The following ABCA13 variants were observed in gnomAD, a reference collection of about 807,000 sequenced individuals.
ABCA13 encodes ATP binding cassette subfamily A member 13.
A neutral mutation model predicts 478.7 loss-of-function variants in ABCA13; 476 were observed. The observed-to-expected ratio is 0.99, with a 90% confidence interval of 0.92 to 1.07. The LOEUF (loss-of-function observed/expected upper bound fraction) is 1.07. ABCA13 is among the 50% of genes least tolerant of loss of function. The pLI is 0.00. For synonymous variants in ABCA13, 2,252 were observed against 2,158.9 expected, an observed-to-expected ratio of 1.04 and a Z score of -1.20; for missense variants, 6,060 against 5,910.6, an observed-to-expected ratio of 1.03 and a Z score of -0.83.
At chr7:48,194,771 T>C (rs1158855895) in intron 2 of ABCA13, among the ~76,000 whole-genome samples, 1 of 126,580 alleles carries the variant, frequency 7.9e-6, no homozygotes, top group Admixed American at 8.6e-5. Flanking sequence ...GACTCTATTG[T>C]GTGTTGCAGA....
rs111357858 is a variant in ABCA13, at chr7:48,375,013, T to C, written c.11203+597T>C. ...CTGCATGTTCCTTATGAGAATTTAA[T>C]GCCTGATGATCTGTCACTGTCTCGC... is the stretch of plus-strand genomic sequence containing the variant. On this transcript the variant is annotated intron_variant, in intron 34 of 61. Transcript: ENST00000435803. Among the ~76,000 whole-genome samples the C allele has an allele frequency of 1.2e-3, 181 of 152,362 alleles. 4 individuals are homozygous for C. The highest frequency in any genetic ancestry group is 4.2e-3 in the African/African-American group (174 of 41,584).
chr7:48,613,165 C>T (rs1003969688), intron 58 of ABCA13, among the ~76,000 whole-genome samples: 2 of 151,654 alleles, frequency 1.3e-5, no homozygotes, highest in Non-Finnish European at 2.9e-5. Context: ...TCAACCTCTA[C>T]CCAGTAGGTC....
At position 48,245,501 on chromosome 7, in the gene ABCA13, C is replaced by A; in HGVS notation, c.1391-11C>A. ...CTTAGGTGAATAATAATCAATTTGT[C>A]TACTTTGCAGAAGTCCTCATTTGCC... On this transcript the variant is annotated splice_polypyrimidine_tract_variant and intron_variant, in intron 11 of 61. Transcript: ENST00000435803. The A allele has an allele frequency of 1.3e-6, 2 of 1,598,652 alleles. No individual in the cohort carries two copies. The highest frequency in any genetic ancestry group is 1.1e-5 in the South Asian group (1 of 87,048).
chr7:48,327,089 A>G (rs1014194539), intron 27 of ABCA13, among the ~76,000 whole-genome samples: 1 of 152,198 alleles, frequency 6.6e-6, no homozygotes, highest in Non-Finnish European at 1.5e-5. Context: ...TAGAGGAACC[A>G]TCATGTTCAC....
At chr7:48,420,699 G>T (rs1563227050) in intron 41 of ABCA13, among the ~76,000 whole-genome samples, 1 of 150,704 alleles carries the variant, frequency 6.6e-6, no homozygotes, top group African/African-American at 2.4e-5. Flanking sequence ...GCATTAAGAG[G>T]TAAAGCCTGG....
chr7:48,431,595 A>G (rs1185963458), intron 42 of ABCA13, among the ~76,000 whole-genome samples: 1 of 152,130 alleles, frequency 6.6e-6, no homozygotes, highest in African/African-American at 2.4e-5. Context: ...AAATTTGGGT[A>G]TTGATATTTC....
intron 7 of ABCA13, among the ~76,000 whole-genome samples, chr7:48,232,166 G>GTTTTTTTTTTTTTTTTTTTTTTTTTTTT (rs1789240529): frequency 1.4e-4 from 2 of 14,284 alleles, no homozygotes; most frequent in Admixed American, 1.1e-3. Flanking sequence ...TTTTTTTTTA[G>GTTTTTTTTTTTTTTTTTTTTTTTTTTTT]CTTTCTGTAA....
In ABCA13 at chr7:48,298,451, C is replaced by G; in HGVS notation, c.9285C>G (p.Ile3095Met). The G allele has an allele frequency of 6.2e-7, 1 of 1,613,576 alleles. No homozygotes were observed. Among genetic ancestry groups the G allele is most frequent in the South Asian group, 1.1e-5 (1 of 90,944 alleles). Residue 3095 changes from isoleucine (I) to methionine (M), a missense_variant, in exon 23 of 62, where the codon ATC becomes ATG. Coordinates refer to ENST00000435803, the MANE Select transcript of ABCA13 (RefSeq NM_152701.5). ...CCATCCAAATCTCGAATGAGACTAT[C>G]CATAGCATTCTAGAAGCAAATATTT... is the stretch of plus-strand genomic sequence containing the variant. ...RSSIQISNET[I>M]HSILEANISH... is the part of the protein sequence containing the mutation.
chr7:48,606,405 G>T (rs1471741640), intron 58 of ABCA13, among the ~76,000 whole-genome samples: 2 of 151,996 alleles, frequency 1.3e-5, no homozygotes, highest in Non-Finnish European at 2.9e-5. Context: ...TCTCTGAGTG[G>T]GCGTCCTTTT....
At chr7:48,216,416 T>C (rs1786486828) in intron 3 of ABCA13, among the ~76,000 whole-genome samples, 1 of 152,216 alleles carries the variant, frequency 6.6e-6, no homozygotes, top group Non-Finnish European at 1.5e-5. Flanking sequence ...TATTCAAATC[T>C]TTTGCCCATT....
intron 55 of ABCA13, among the ~76,000 whole-genome samples, chr7:48,550,447 G>A (rs1051002136): frequency 9.3e-5 from 14 of 151,276 alleles, no homozygotes; most frequent in African/African-American, 1.5e-4. Context: ...TAGTAGAGAC[G>A]GGGTTTCATC....
intron 19 of ABCA13, among the ~76,000 whole-genome samples, chr7:48,287,247 A>G (rs1244806340): frequency 6.6e-6 from 1 of 152,232 alleles, no homozygotes; most frequent in East Asian, 1.9e-4. Flanking sequence ...GGCTGCGGAA[A>G]GACATTGGAT....
chr7:48,364,664 T>A (rs1292165102), intron 31 of ABCA13, among the ~76,000 whole-genome samples: 3 of 152,180 alleles, frequency 2.0e-5, no homozygotes, highest in African/African-American at 7.2e-5. Flanking sequence ...AACATATATT[T>A]GTCTTTCTGT....
intron 58 of ABCA13, among the ~76,000 whole-genome samples, chr7:48,595,865 T>C (rs932380237): frequency 6.6e-6 from 1 of 152,188 alleles, no homozygotes; most frequent in Non-Finnish European, 1.5e-5. Flanking sequence ...TTGGAATTCA[T>C]GGCAAGACAC....
intron 19 of ABCA13, 60 bp downstream of exon 19, chr7:48,281,512 G>A (rs958056633): frequency 7.1e-7 from 1 of 1,407,854 alleles, no homozygotes; most frequent in Admixed American, 2.0e-5. Context: ...CAGAACTCAG[G>A]TGTCAGAGAG....
intron 55 of ABCA13, among the ~76,000 whole-genome samples, chr7:48,564,430 C>A (rs966971638): frequency 6.8e-6 from 1 of 146,664 alleles, no homozygotes; most frequent in Non-Finnish European, 1.5e-5. Flanking sequence ...GTAGTTTCAA[C>A]TTTTTTTTTA....
intron 46 of ABCA13, among the ~76,000 whole-genome samples, chr7:48,481,535 A>T (rs1328293737): frequency 2.3e-5 from 3 of 132,772 alleles, no homozygotes. Context: ...CGAGAGCCAG[A>T]AGCTGTTTTA....
intron 20 of ABCA13, among the ~76,000 whole-genome samples, chr7:48,291,994 A>G (rs1356313105): frequency 6.6e-6 from 1 of 152,156 alleles, no homozygotes; most frequent in African/African-American, 2.4e-5. Flanking sequence ...GGCTGTCTCC[A>G]GACCCTTTCT....
At chr7:48,351,043 CTA>C (rs1808891209) in intron 30 of ABCA13, among the ~76,000 whole-genome samples, 1 of 152,222 alleles carries the variant, frequency 6.6e-6, no homozygotes, top group Non-Finnish European at 1.5e-5. Context: ...GCCATAGTGA[CTA>C]ATAACGTTTT....
Sources: gnomAD v4.1 joint callset for allele counts (sites outside exome capture counted in the v4.1 genomes callset) on GRCh38, gnomAD v4.1.1 for gene constraint, MANE v1.5 for transcripts, NCBI Gene and HGNC (gene_info 2026-07-23, HGNC 2026-07-21) for gene names.